Variants in PRIM2 observed in about 807,000 individuals in gnomAD.
The protein encoded by PRIM2 is DNA primase large subunit.
Under a neutral mutation model 67.3 loss-of-function variants are expected in PRIM2, and 39 were observed. The observed-to-expected ratio is 0.58, with a 90% CI of 0.45 to 0.76. The LOEUF is 0.76. Among genes scored for constraint, PRIM2 ranks in the 30% least tolerant of loss-of-function variants. The pLI is 0.00. For synonymous variants in PRIM2, 143 were observed against 198.7 expected (o/e 0.72, Z 2.36); for missense variants, 398 against 598.7 (o/e 0.66, Z 3.50).
the PRIM2 span, among the ~76,000 whole-genome samples, chr6:57,241,889 G>C: frequency 5.9e-5 from 9 of 152,108 alleles, no homozygotes; most frequent in East Asian, 3.9e-4. Context: ...AGCCAGGATG[G>C]TCTCGATCTC....
chr6:57,517,126 A>AT (rs1293351782), intron 8 of PRIM2, among the ~76,000 whole-genome samples: 2 of 152,144 alleles, frequency 1.3e-5, no homozygotes, highest in African/African-American at 4.8e-5. Flanking sequence ...GGAAAGTAAA[A>AT]TTTATGATTT....
the PRIM2 span, among the ~76,000 whole-genome samples, chr6:57,227,886 T>G: frequency 6.6e-6 from 1 of 152,170 alleles, no homozygotes; most frequent in Non-Finnish European, 1.5e-5. Flanking sequence ...GGTGAGGAAA[T>G]GTTCTACTTG....
At chr6:57,303,066 A>G in the PRIM2 span, among the ~76,000 whole-genome samples, 2 of 152,148 alleles carry the variant, frequency 1.3e-5, no homozygotes, top group Non-Finnish European at 2.9e-5. Context: ...TGTTATTGCT[A>G]TGTCTTTCTA....
intron 5 of PRIM2, among the ~76,000 whole-genome samples, chr6:57,356,308 T>C (rs2127306979): frequency 6.6e-6 from 1 of 152,350 alleles, no homozygotes; most frequent in South Asian, 2.1e-4. Flanking sequence ...AATAAGTTAG[T>C]ACTTTTTCTA....
At chr6:57,316,808 C>T (rs531309873), upstream of PRIM2, among the ~76,000 whole-genome samples, 2 of 152,238 alleles carry the variant, frequency 1.3e-5, no homozygotes, top group Non-Finnish European at 2.9e-5. Flanking sequence ...GTAAGCGGCA[C>T]GTCCGCGTGA....
chr6:57,323,120 T>C (rs1767716466), intron 3 of PRIM2, among the ~76,000 whole-genome samples: 1 of 152,092 alleles, frequency 6.6e-6, no homozygotes, highest in African/African-American at 2.4e-5. Context: ...GTTCATGCCT[T>C]AAAAATTCTT....
chr6:57,630,730 A>C (rs1191354116), intron 12 of PRIM2, among the ~76,000 whole-genome samples: 2 of 152,218 alleles, frequency 1.3e-5, no homozygotes, highest in East Asian at 3.9e-4. Flanking sequence ...ATTCTAATTC[A>C]GATATTAATA....
the PRIM2 span, among the ~76,000 whole-genome samples, chr6:57,267,792 G>A: frequency 1.4e-4 from 21 of 149,800 alleles, no homozygotes; most frequent in East Asian, 2.5e-3. Context: ...TGCTGGTCTC[G>A]AAAACCTGGC....
chr6:57,468,082 A>G (rs1303124809), intron 7 of PRIM2, among the ~76,000 whole-genome samples: 2 of 152,166 alleles, frequency 1.3e-5, no homozygotes, highest in Non-Finnish European at 2.9e-5. Flanking sequence ...AAACAGAGGC[A>G]ATTTGACTAC....
chr6:57,452,408 A>G (rs1772587204), intron 7 of PRIM2, among the ~76,000 whole-genome samples: 1 of 152,160 alleles, frequency 6.6e-6, no homozygotes, highest in African/African-American at 2.4e-5. Flanking sequence ...CAACAGTGTA[A>G]AAGTGTTCCT....
intron 7 of PRIM2, among the ~76,000 whole-genome samples, chr6:57,476,211 G>T (rs2127403855): frequency 6.6e-6 from 1 of 152,248 alleles, no homozygotes; most frequent in East Asian, 1.9e-4. Flanking sequence ...AAAATTATTG[G>T]AATCTTGAAG....
chr6:57,327,483 T>C (rs992801509), intron 5 of PRIM2, among the ~76,000 whole-genome samples: 7 of 152,168 alleles, frequency 4.6e-5, no homozygotes, highest in African/African-American at 1.7e-4. Flanking sequence ...AACAAACATT[T>C]TGTAGACGTT....
intron 12 of PRIM2, among the ~76,000 whole-genome samples, chr6:57,621,024 T>C (rs1188250892): frequency 6.6e-6 from 1 of 152,282 alleles, no homozygotes; most frequent in Non-Finnish European, 1.5e-5. Flanking sequence ...AATGATGTCA[T>C]GTCTTTTTTG....
At chr6:57,294,435 C>T in the PRIM2 span, among the ~76,000 whole-genome samples, 1 of 152,022 alleles carries the variant, frequency 6.6e-6, no homozygotes, top group Non-Finnish European at 1.5e-5. Flanking sequence ...GAGCCGAGAT[C>T]GTGCTACTGC....
chr6:57,242,068 A>G, the PRIM2 span, among the ~76,000 whole-genome samples: 1 of 152,188 alleles, frequency 6.6e-6, no homozygotes, highest in Non-Finnish European at 1.5e-5. Flanking sequence ...ATAAAGGCTC[A>G]CTATTATTAA....
At chr6:57,295,074 A>G in the PRIM2 span, among the ~76,000 whole-genome samples, 2 of 152,218 alleles carry the variant, frequency 1.3e-5, no homozygotes, top group Admixed American at 6.5e-5. Context: ...TACAGGCGTT[A>G]GCCACCACGC....
At chr6:57,622,956 T>G (rs1418684964) in intron 12 of PRIM2, among the ~76,000 whole-genome samples, 3 of 152,184 alleles carry the variant, frequency 2.0e-5, no homozygotes, top group Non-Finnish European at 4.4e-5. Context: ...TTCCTAAAAA[T>G]CTGAGCTACC....
the PRIM2 span, among the ~76,000 whole-genome samples, chr6:57,225,431 A>C: frequency 6.6e-6 from 1 of 152,230 alleles, no homozygotes; most frequent in East Asian, 1.9e-4. Context: ...GAAAGCCTGC[A>C]TGGAAACCTG....
At chr6:57,525,019 C>T (rs1203803958) in intron 8 of PRIM2, among the ~76,000 whole-genome samples, 2 of 151,698 alleles carry the variant, frequency 1.3e-5, no homozygotes, top group Non-Finnish European at 2.9e-5. Context: ...GATTAAAGAC[C>T]TATCTCAGGA....
Sources: allele counts gnomAD v4.1 joint callset (sites outside exome capture counted in the v4.1 genomes callset), GRCh38; gene constraint gnomAD v4.1.1; transcripts MANE v1.5; gene names NCBI Gene and HGNC (gene_info 2026-07-23, HGNC 2026-07-21).